The following ZBTB8OS variants were observed in gnomAD, a reference collection of about 807,000 sequenced individuals.
The protein encoded by ZBTB8OS is tRNA splicing ligase complex subunit 1, also known as tRNA-splicing ligase-activating factor archease.
Under a neutral mutation model 29.3 loss-of-function variants are expected in ZBTB8OS, and 16 were observed. That is an observed-to-expected ratio of 0.55 (90% confidence interval 0.37 to 0.83). The LOEUF is 0.83. Among genes scored for constraint, ZBTB8OS ranks in the 40% least tolerant of loss-of-function variants. ZBTB8OS has a pLI of 0.00. For missense variants in ZBTB8OS, 160 were observed against 196.9 expected (o/e 0.81, Z 1.12); for synonymous variants, 70 against 64.6 (o/e 1.08, Z -0.40).
At chr1:32,634,169 C>T (rs1645782028) in intron 2 of ZBTB8OS, 97 bp from the exon 3 acceptor site, 1 of 1,176,968 alleles carries the variant, frequency 8.5e-7, no homozygotes, top group South Asian at 2.8e-5. Flanking sequence ...ATGATAAATA[C>T]AAATTTTAAG....
intron 4 of ZBTB8OS, 34 bp downstream of exon 4, chr1:32,633,611 A>C (rs779457897): frequency 6.9e-7 from 1 of 1,457,064 alleles, no homozygotes; most frequent in Non-Finnish European, 9.4e-7. Flanking sequence ...CTAAGAATCC[A>C]TTTGCTCAGT....
At position 32,627,468 on chromosome 1, in the gene ZBTB8OS, A is replaced by C. The variant is rs775145111; in HGVS notation, c.417+40T>G. 4.4e-6 allele frequency: 7 copies of C among 1,604,776 alleles called. No individual in the cohort carries two copies. In the East Asian group the frequency reaches 1.6e-4, roughly 36 times the overall value. ...CACATATATGAACTTTATGGTAAGG[A>C]AATTTTTCATGTTCTTAATGGCTGG... On this transcript the variant is annotated intron_variant, in intron 6 of 6. Coordinates refer to ENST00000468695, the MANE Select transcript of ZBTB8OS (RefSeq NM_178547.5).
Position 32,621,963 on chromosome 1 carries a change from AGAG to A in ZBTB8OS, c.418-18_418-16del. 1 of 1,311,810 alleles carries A rather than the reference AGAG, an allele frequency of 7.6e-7. No individual in the cohort carries two copies. The highest frequency in any genetic ancestry group is 1.0e-6 in the Non-Finnish European group (1 of 957,602). The allele number at this position is 1,311,810 out of a possible 1,614,324, so 81.3% of individuals were successfully genotyped here. A position where few individuals can be genotyped will look rare whatever the true frequency, so the allele number is the denominator to read the frequency against. ...ACTTCTGTTCCCTAAAGTTGGGGTT[AGAG>A]AAAAAAAAAAAAAAAAGGAAAATAG... is the stretch of plus-strand genomic sequence containing the variant. On this transcript the variant is annotated splice_polypyrimidine_tract_variant and intron_variant, in intron 6 of 6. Coordinates refer to ENST00000468695, the MANE Select transcript of ZBTB8OS (RefSeq NM_178547.5).
At chr1:32,632,358 GAAAATT>G (rs1645633135) in intron 4 of ZBTB8OS, 1 of 152,130 alleles carries the variant, frequency 6.6e-6, no homozygotes, top group Non-Finnish European at 1.5e-5. Context: ...GTGAAGCAAA[GAAAATT>G]AAAATGTTAG....
intron 1 of ZBTB8OS, among the ~76,000 whole-genome samples, chr1:32,638,087 C>G (rs1438995843): frequency 6.6e-6 from 1 of 152,048 alleles, no homozygotes; most frequent in Non-Finnish European, 1.5e-5. Context: ...ACCACCTACA[C>G]TGGCTTCCCA....
chr1:32,647,672 T>C (rs1400342590), intron 1 of ZBTB8OS, among the ~76,000 whole-genome samples: 1 of 152,184 alleles, frequency 6.6e-6, no homozygotes, highest in Admixed American at 6.6e-5. Flanking sequence ...TATTGTGAAC[T>C]GCACATTGAG....
rs1644762086 is a variant in ZBTB8OS at position 32,621,627 on chromosome 1, A to G, written c.*235T>C. 8.4e-6 allele frequency: 4 copies of G among 478,332 alleles called. No individual in the cohort carries two copies. The highest frequency in any genetic ancestry group is 4.1e-5 in the East Asian group (1 of 24,320). The allele number at this position is 478,332 out of a possible 1,614,324, so 29.6% of individuals were successfully genotyped here. On this transcript the variant is annotated 3_prime_UTR_variant, in exon 7 of 7. Transcript: ENST00000468695. ...TGCCACAGCAGAGAATCAAAGGACC[A>G]TAACTGTCCCTTGGGGGGTTGAAGA...
upstream of ZBTB8OS, chr1:32,650,555 C>T (rs780532501): frequency 2.5e-6 from 4 of 1,613,946 alleles, no homozygotes; most frequent in African/African-American, 4.0e-5. Flanking sequence ...CACTCTACTT[C>T]CGCCCTTCAT....
chr1:32,634,134 C>T, intron 2 of ZBTB8OS, 62 bp from the exon 3 acceptor site: 1 of 1,331,448 alleles, frequency 7.5e-7, no homozygotes, highest in Non-Finnish European at 9.8e-7. Flanking sequence ...AATTTGATAG[C>T]AGGCAAAGTC....
chr1:32,631,400 T>A (rs1317291745), intron 5 of ZBTB8OS, among the ~76,000 whole-genome samples: 2 of 148,826 alleles, frequency 1.3e-5, no homozygotes, highest in East Asian at 3.9e-4. Flanking sequence ...AAAAATATAA[T>A]TAAGTGACTA....
intron 5 of ZBTB8OS, among the ~76,000 whole-genome samples, chr1:32,630,397 C>T (rs1437427605): frequency 6.6e-6 from 1 of 151,318 alleles, no homozygotes; most frequent in Non-Finnish European, 1.5e-5. Context: ...GTCTCAACAA[C>T]AACAAATTAG....
At position 32,621,964 on chromosome 1, in the gene ZBTB8OS, G is replaced by C; in HGVS notation, c.418-16C>G. On this transcript the variant is annotated splice_polypyrimidine_tract_variant and intron_variant, in intron 6 of 6. Coordinates refer to ENST00000468695, the MANE Select transcript of ZBTB8OS (RefSeq NM_178547.5). ...CTTCTGTTCCCTAAAGTTGGGGTTA[G>C]AGAAAAAAAAAAAAAAAAGGAAAAT... 2.9e-6 allele frequency: 3 copies of C among 1,022,940 alleles called. No homozygotes were observed. The highest frequency in any genetic ancestry group is 3.9e-6 in the Non-Finnish European group (3 of 762,596). The allele number at this position is 1,022,940 out of a possible 1,614,324, so 63.4% of individuals were successfully genotyped here. A position where few individuals can be genotyped will look rare whatever the true frequency, so the allele number is the denominator to read the frequency against.
chr1:32,632,671 CT>C (rs1645661134), intron 4 of ZBTB8OS, among the ~76,000 whole-genome samples: 1 of 152,064 alleles, frequency 6.6e-6, no homozygotes, highest in South Asian at 2.1e-4. Flanking sequence ...TAAGTTTTTT[CT>C]TACATATTCA....
At chr1:32,650,594 T>TTCCGCTCTAGAC (rs1261678335), upstream of ZBTB8OS, 11 of 1,613,480 alleles carry the variant, frequency 6.8e-6, no homozygotes, top group Non-Finnish European at 9.3e-6. Context: ...GAGTTACTAC[T>TTCCGCTCTAGAC]TCCGCTCTAG....
At chr1:32,639,276 C>A (rs561739052) in intron 1 of ZBTB8OS, among the ~76,000 whole-genome samples, 1 of 149,040 alleles carries the variant, frequency 6.7e-6, no homozygotes, top group South Asian at 2.1e-4. Context: ...CCAGCCTGGG[C>A]AACAGAGCAA....
At chr1:32,623,965 T>C (rs1308525871) in intron 6 of ZBTB8OS, among the ~76,000 whole-genome samples, 1 of 152,170 alleles carries the variant, frequency 6.6e-6, no homozygotes, top group Non-Finnish European at 1.5e-5. Flanking sequence ...TCCACCATGC[T>C]GTTCTAGTGA....
chr1:32,621,577 C>T lies in ZBTB8OS; in HGVS notation c.*285G>A, dbSNP rs1193035924. 2.9e-5 allele frequency: 10 copies of T among 349,460 alleles called. No individual in the cohort carries two copies. The highest frequency in any genetic ancestry group is 4.7e-5 in the Admixed American group (1 of 21,280). 21.6% of individuals were successfully genotyped at this position (349,460 alleles called of 1,614,324 possible). On this transcript the variant is annotated 3_prime_UTR_variant, in exon 7 of 7. Coordinates refer to ENST00000468695, the MANE Select transcript of ZBTB8OS (RefSeq NM_178547.5). Reference sequence around the variant, plus strand: ...GTGAGGCTGGAGGGCTTGCATTGCACTGGAAGGGCATGAGGCACACCTACT... The same window carrying T: ...GTGAGGCTGGAGGGCTTGCATTGCATTGGAAGGGCATGAGGCACACCTACT...
chr1:32,634,044 C>T lies in ZBTB8OS; in HGVS notation c.151G>A (p.Glu51Lys). ...QLHAWGDTLEEAFEQCAMAMF... is the reference protein window; with the variant it reads ...QLHAWGDTLEKAFEQCAMAMF... ...GCCATTGCACATTGCTCAAATGCTT[C>T]CTCCAGAGTATCTCCCCATGCGTGT... Residue 51 changes from glutamate to lysine, a missense_variant, in exon 3 of 7, where the codon GAA (glutamate) becomes AAA (lysine). By Grantham distance (56) the Glu-to-Lys change is moderately conservative (BLOSUM62 1). Transcript: ENST00000468695. The T allele has an allele frequency of 6.3e-7, 1 of 1,599,900 alleles. No homozygotes were observed. Among genetic ancestry groups the T allele is most frequent in the Non-Finnish European group, 8.5e-7 (1 of 1,176,528 alleles).
At chr1:32,647,423 C>T (rs1055491455) in intron 1 of ZBTB8OS, among the ~76,000 whole-genome samples, 2 of 136,606 alleles carry the variant, frequency 1.5e-5, no homozygotes, top group African/African-American at 2.8e-5. Flanking sequence ...GATGACAAAG[C>T]GAGACTCTGT....
Sources: allele counts gnomAD v4.1 joint callset (sites outside exome capture counted in the v4.1 genomes callset), GRCh38; gene constraint gnomAD v4.1.1; transcripts MANE v1.5; gene names NCBI Gene and HGNC (gene_info 2026-07-23, HGNC 2026-07-21).